The following PLEKHA2 variants were observed in gnomAD, a reference collection of about 807,000 sequenced individuals.
The protein encoded by PLEKHA2 is pleckstrin homology domain containing A2.
PLEKHA2 carries 28 observed loss-of-function variants against 53.2 expected under a neutral mutation model. The ratio of observed to expected loss-of-function variants is 0.53; its 90% CI spans 0.39 to 0.72. PLEKHA2 has a LOEUF of 0.72. Ranked by LOEUF, PLEKHA2 falls within the 30% of genes least tolerant of loss-of-function variation. PLEKHA2 has a pLI of 0.00. For synonymous variants in PLEKHA2, 193 were observed against 196.4 expected (o/e 0.98, Z 0.14); for missense variants, 426 against 537.9 (o/e 0.79, Z 2.06).
At chr8:38,965,186 G>T (rs146895058) in intron 10 of PLEKHA2, among the ~76,000 whole-genome samples, 1 of 152,232 alleles carries the variant, frequency 6.6e-6, no homozygotes, top group East Asian at 1.9e-4. Flanking sequence ...TCTAAATCAG[G>T]ATAGTCCTAG....
At chr8:38,916,165 C>T (rs565364390) in intron 1 of PLEKHA2, among the ~76,000 whole-genome samples, 4 of 152,030 alleles carry the variant, frequency 2.6e-5, no homozygotes, top group East Asian at 1.9e-4. Context: ...TTAGTAGAGA[C>T]GAGGTTTCAC....
chr8:38,959,403 A>AT (rs1281103725), intron 10 of PLEKHA2, among the ~76,000 whole-genome samples: 1 of 152,222 alleles, frequency 6.6e-6, no homozygotes, highest in African/African-American at 2.4e-5. Flanking sequence ...AAGAGCTCGT[A>AT]TTTTATCCTT....
intron 2 of PLEKHA2, among the ~76,000 whole-genome samples, chr8:38,930,886 G>A: frequency 6.6e-6 from 1 of 152,204 alleles, no homozygotes; most frequent in Non-Finnish European, 1.5e-5. Context: ...GAAGCACATG[G>A]AATCCCTTGG....
At chr8:38,932,579 C>G (rs1387660306) in intron 2 of PLEKHA2, among the ~76,000 whole-genome samples, 1 of 152,180 alleles carries the variant, frequency 6.6e-6, no homozygotes, top group Non-Finnish European at 1.5e-5. Flanking sequence ...CCTGGCTAAC[C>G]AGGCCCTCAG....
intron 2 of PLEKHA2, among the ~76,000 whole-genome samples, chr8:38,923,724 G>A (rs1200309581): frequency 6.6e-6 from 1 of 152,062 alleles, no homozygotes; most frequent in African/African-American, 2.4e-5. Context: ...GGGAGAGCTG[G>A]GGGCCCCCCT....
intron 1 of PLEKHA2, among the ~76,000 whole-genome samples, chr8:38,909,142 CA>C (rs199814127): frequency 0.35 from 43,723 of 124,402 alleles, 6,942 homozygotes; most frequent in Middle Eastern, 0.49. Context: ...GACTCTGTCT[CA>C]AAAAAAAAAA....
intron 3 of PLEKHA2, among the ~76,000 whole-genome samples, chr8:38,938,198 G>A (rs1487985052): frequency 6.6e-6 from 1 of 152,228 alleles, no homozygotes; most frequent in African/African-American, 2.4e-5. Context: ...GAAAGAACTT[G>A]TAGGGGCTCA....
intron 1 of PLEKHA2, among the ~76,000 whole-genome samples, chr8:38,911,740 T>C (rs1490104057): frequency 6.6e-6 from 1 of 152,102 alleles, no homozygotes. Flanking sequence ...TTTGGGAGGC[T>C]TGAGGCAGGA....
intron 3 of PLEKHA2, among the ~76,000 whole-genome samples, chr8:38,938,752 G>A (rs1022882491): frequency 7.9e-5 from 12 of 152,192 alleles, no homozygotes; most frequent in African/African-American, 1.4e-4. Flanking sequence ...TGGCCACCTC[G>A]GCTGTGTGGA....
At chr8:38,927,267 G>A (rs1368835471) in intron 2 of PLEKHA2, among the ~76,000 whole-genome samples, 1 of 152,086 alleles carries the variant, frequency 6.6e-6, no homozygotes, top group Non-Finnish European at 1.5e-5. Context: ...CCAGGCCTGT[G>A]GGAGGATCAC....
rs1371518731 is a variant in PLEKHA2 at position 38,972,755 on chromosome 8, T to C, written c.*2972T>C. 6.6e-6 allele frequency: 1 copy of C among 151,874 alleles called. No individual in the cohort carries two copies. Among genetic ancestry groups the C allele is most frequent in the African/African-American group, 2.4e-5 (1 of 41,380 alleles). The allele number at this position is 151,874 out of a possible 1,614,324, so 9.4% of individuals were successfully genotyped here. On this transcript the variant is annotated 3_prime_UTR_variant, in exon 12 of 12. Coordinates refer to ENST00000617275, the MANE Select transcript of PLEKHA2 (RefSeq NM_021623.2). ...GATTAGTGACTAAGTGCATAGGCTCTGGAGTAAATCTGAGTTTTTTTTTTT... is the reference window on the plus strand; with the variant it reads ...GATTAGTGACTAAGTGCATAGGCTCCGGAGTAAATCTGAGTTTTTTTTTTT...
chr8:38,969,250 G>A (rs9987222), intron 11 of PLEKHA2, among the ~76,000 whole-genome samples, 171 bp from the exon 12 acceptor site: 1 of 151,974 alleles, frequency 6.6e-6, no homozygotes, highest in East Asian at 1.9e-4. Context: ...CCAGGCTGAC[G>A]TTGACACATT....
At chr8:38,947,956 A>G (rs906363941) in intron 5 of PLEKHA2, among the ~76,000 whole-genome samples, 24 of 150,458 alleles carry the variant, frequency 1.6e-4, no homozygotes, top group African/African-American at 5.4e-4. Flanking sequence ...GCATGTTGGC[A>G]TGCACCGTAA....
intron 1 of PLEKHA2, among the ~76,000 whole-genome samples, chr8:38,909,276 G>T (rs1308452038): frequency 6.6e-6 from 1 of 152,102 alleles, no homozygotes; most frequent in African/African-American, 2.4e-5. Context: ...GATTGACTTG[G>T]ATGGAATCCT....
At chr8:38,962,830 T>C (rs1224078781) in intron 10 of PLEKHA2, among the ~76,000 whole-genome samples, 1 of 152,226 alleles carries the variant, frequency 6.6e-6, no homozygotes, top group African/African-American at 2.4e-5. Context: ...TGCAGAGTGT[T>C]GCATTAGAGC....
At chr8:38,950,528 CTA>C (rs1451041248) in intron 5 of PLEKHA2, 366 of 221,228 alleles carry the variant, frequency 1.7e-3, no homozygotes, top group Non-Finnish European at 2.8e-3. Context: ...ATTCCCCCTA[CTA>C]GCATGTAAGT....
At chr8:38,935,454 A>G (rs560650801) in intron 2 of PLEKHA2, among the ~76,000 whole-genome samples, 2 of 149,414 alleles carry the variant, frequency 1.3e-5, no homozygotes, top group Non-Finnish European at 3.0e-5. Flanking sequence ...TTTAAGAGAT[A>G]GGGTCTTGCT....
chr8:38,962,227 A>G (rs1835053434), intron 10 of PLEKHA2, among the ~76,000 whole-genome samples: 1 of 152,058 alleles, frequency 6.6e-6, no homozygotes. Flanking sequence ...AGTGGCTCAC[A>G]CCTCTAATCC....
intron 4 of PLEKHA2, among the ~76,000 whole-genome samples, chr8:38,945,278 TG>T (rs1834690993): frequency 6.6e-6 from 1 of 152,220 alleles, no homozygotes; most frequent in African/African-American, 2.4e-5. Flanking sequence ...CTTGTCACTG[TG>T]GTATCCTCAG....
Sources: gnomAD v4.1 joint callset for allele counts (sites outside exome capture counted in the v4.1 genomes callset) on GRCh38, gnomAD v4.1.1 for gene constraint, MANE v1.5 for transcripts, NCBI Gene and HGNC (gene_info 2026-07-23, HGNC 2026-07-21) for gene names.